Variants in CSMD1 observed in about 807,000 individuals in gnomAD.
The protein encoded by CSMD1 is CUB and Sushi multiple domains 1.
In CSMD1, 213 loss-of-function variants were observed where a neutral mutation model predicts 417.5. That is an observed-to-expected ratio of 0.51 (90% CI 0.46 to 0.57). The LOEUF is 0.57. CSMD1 is among the 20% of genes least tolerant of loss of function. The pLI, the probability that CSMD1 is intolerant of heterozygous loss-of-function variation, is 0.00. For missense variants in CSMD1, 6,923 were observed against 4,529.7 expected, an observed-to-expected ratio of 1.53 and a Z score of -15.17; for synonymous variants, 2,862 against 1,736.8, an observed-to-expected ratio of 1.65 and a Z score of -16.11.
At chr8:4,012,510 G>A (rs1448714204) in intron 4 of CSMD1, among the ~76,000 whole-genome samples, 2 of 152,086 alleles carry the variant, frequency 1.3e-5, no homozygotes, top group Non-Finnish European at 2.9e-5. Flanking sequence ...TGTGGTGTAT[G>A]CATGATCCCT....
intron 7 of CSMD1, among the ~76,000 whole-genome samples, chr8:3,658,041 C>T (rs373892175): frequency 1.3e-4 from 20 of 152,104 alleles, no homozygotes; most frequent in African/African-American, 4.6e-4. Flanking sequence ...TCTTGAAATA[C>T]TCAGAGCATA....
chr8:3,162,870 G>T (rs1424600392), intron 37 of CSMD1, among the ~76,000 whole-genome samples: 1 of 152,096 alleles, frequency 6.6e-6, no homozygotes, highest in Non-Finnish European at 1.5e-5. Context: ...TTTCCTAGAT[G>T]AATTGCATTC....
At chr8:4,152,409 T>G (rs556795437) in intron 3 of CSMD1, among the ~76,000 whole-genome samples, 1 of 152,052 alleles carries the variant, frequency 6.6e-6, no homozygotes, top group African/African-American at 2.4e-5. Context: ...CCAGGCACAG[T>G]GGCTCACACC....
At chr8:3,908,925 G>A (rs867345896) in intron 5 of CSMD1, among the ~76,000 whole-genome samples, 1 of 152,186 alleles carries the variant, frequency 6.6e-6, no homozygotes, top group Admixed American at 6.5e-5. Context: ...ATCTTGCTTT[G>A]CAAGCGCTGG....
intron 38 of CSMD1, among the ~76,000 whole-genome samples, chr8:3,160,120 TC>T (rs1326829594): frequency 6.6e-6 from 1 of 151,986 alleles, no homozygotes; most frequent in East Asian, 1.9e-4. Flanking sequence ...GAAAGACAAT[TC>T]TTTTCTTTTT....
chr8:4,968,502 T>C (rs772070401), intron 1 of CSMD1, among the ~76,000 whole-genome samples: 10 of 152,060 alleles, frequency 6.6e-5, no homozygotes, highest in Non-Finnish European at 1.2e-4. Flanking sequence ...AAATGCAAAA[T>C]GCAAAAACTA....
intron 6 of CSMD1, among the ~76,000 whole-genome samples, chr8:3,710,327 C>A (rs1801436577): frequency 6.6e-6 from 1 of 152,112 alleles, no homozygotes; most frequent in Admixed American, 6.5e-5. Context: ...CACACACATA[C>A]CCACGACCAA....
intron 7 of CSMD1, among the ~76,000 whole-genome samples, chr8:3,652,612 G>A (rs79340600): frequency 0.052 from 7,866 of 152,236 alleles, 254 homozygotes; most frequent in Non-Finnish European, 0.078. Context: ...AAAAGAGCTC[G>A]CGCAAGGGAG....
chr8:3,577,413 T>A (rs1438969643), intron 9 of CSMD1, among the ~76,000 whole-genome samples: 5 of 152,230 alleles, frequency 3.3e-5, no homozygotes, highest in African/African-American at 7.2e-5. Flanking sequence ...TTTCTTTTTT[T>A]AATTTAGAAA....
At chr8:4,435,335 T>C (rs1013967422) in intron 2 of CSMD1, among the ~76,000 whole-genome samples, 3 of 152,186 alleles carry the variant, frequency 2.0e-5, no homozygotes, top group Admixed American at 6.5e-5. Context: ...TGCAGGATTA[T>C]GGAGTTTTGA....
Position 3,151,437 on chromosome 8 carries a change from G to C in CSMD1, c.5991C>G (p.Asn1997Lys), listed in dbSNP as rs369443478. Reference sequence around the variant, plus strand: ...ATGAGATCCTCCAGGTGCAGTCTAAGTTGTTGGGGTAAGAACCTGGGAAGC... The same window carrying C: ...ATGAGATCCTCCAGGTGCAGTCTAACTTGTTGGGGTAAGAACCTGGGAAGC... Reference protein sequence around the residue: ...SPGFPGSYPNNLDCTWRISLP... With the variant: ...SPGFPGSYPNKLDCTWRISLP... Residue 1997 changes from asparagine to lysine, a missense_variant, in exon 40 of 70, where the codon AAC becomes AAG. Coordinates refer to ENST00000635120, the MANE Select transcript of CSMD1 (RefSeq NM_033225.6). The C allele has an allele frequency of 6.2e-7, 1 of 1,613,784 alleles. No homozygotes were observed. Among genetic ancestry groups the C allele is most frequent in the Non-Finnish European group, 8.5e-7 (1 of 1,179,810 alleles).
At chr8:4,010,267 G>A (rs1226846559) in intron 4 of CSMD1, among the ~76,000 whole-genome samples, 2 of 151,968 alleles carry the variant, frequency 1.3e-5, no homozygotes, top group Non-Finnish European at 1.5e-5. Context: ...CCTCCCTCAT[G>A]TGCCCAGCTT....
At chr8:2,968,948 CTTATT>C (rs1272127004) in intron 57 of CSMD1, among the ~76,000 whole-genome samples, 1 of 152,004 alleles carries the variant, frequency 6.6e-6, no homozygotes, top group Non-Finnish European at 1.5e-5. Context: ...AAATATTATG[CTTATT>C]TTAAATATAC....
intron 1 of CSMD1, among the ~76,000 whole-genome samples, chr8:4,945,876 C>A (rs1403752924): frequency 6.6e-6 from 1 of 152,136 alleles, no homozygotes; most frequent in Non-Finnish European, 1.5e-5. Context: ...GGCAGACAAT[C>A]ACAGAAACTC....
intron 5 of CSMD1, among the ~76,000 whole-genome samples, chr8:3,843,994 G>C (rs927608176): frequency 2.6e-5 from 4 of 152,136 alleles, no homozygotes; most frequent in African/African-American, 9.7e-5. Context: ...CAAATGTCTA[G>C]CATCCAGCAC....
intron 12 of CSMD1, among the ~76,000 whole-genome samples, chr8:3,450,548 G>A (rs762662959): frequency 3.4e-5 from 5 of 149,180 alleles, no homozygotes; most frequent in Admixed American, 6.7e-5. Flanking sequence ...ACCTATCAAT[G>A]AGAACATGCA....
intron 1 of CSMD1, among the ~76,000 whole-genome samples, chr8:4,732,626 A>G (rs924507217): frequency 2.6e-5 from 4 of 152,138 alleles, no homozygotes; most frequent in African/African-American, 9.7e-5. Flanking sequence ...ACACTAAATC[A>G]AGGCCCCTGG....
intron 1 of CSMD1, among the ~76,000 whole-genome samples, chr8:4,809,023 C>T (rs1016884424): frequency 6.6e-6 from 1 of 152,148 alleles, no homozygotes; most frequent in Non-Finnish European, 1.5e-5. Context: ...AGTTGTCTTG[C>T]CGAGTTTTAC....
chr8:4,510,728 G>A (rs1444340900), intron 2 of CSMD1, among the ~76,000 whole-genome samples: 1 of 80,338 alleles, frequency 1.2e-5, no homozygotes, highest in African/African-American at 5.1e-5. Context: ...TCCCTTCCTT[G>A]CCTCCTCTCT....
Sources: gnomAD v4.1 joint callset for allele counts (sites outside exome capture counted in the v4.1 genomes callset) on GRCh38, gnomAD v4.1.1 for gene constraint, MANE v1.5 for transcripts, NCBI Gene and HGNC (gene_info 2026-07-23, HGNC 2026-07-21) for gene names.